Variants in RERG observed in about 807,000 individuals in gnomAD.
RERG encodes RAS like estrogen regulated growth inhibitor, also known as ras-related and estrogen-regulated growth inhibitor.
A neutral mutation model predicts 23.2 loss-of-function variants in RERG; 25 were observed. The ratio of observed to expected loss-of-function variants is 1.08; its 90% CI spans 0.79 to 1.50. RERG has a LOEUF of 1.50. Among genes scored for constraint, RERG ranks in the 40% most tolerant of loss-of-function variants. RERG has a pLI of 0.00. For synonymous variants in RERG, 81 were observed against 89.1 expected (o/e 0.91, Z 0.51); for missense variants, 253 against 250.1 (o/e 1.01, Z -0.08).
At chr12:15,211,857 T>C (rs932272546) in intron 2 of RERG, among the ~76,000 whole-genome samples, 1 of 151,888 alleles carries the variant, frequency 6.6e-6, no homozygotes, top group African/African-American at 2.4e-5. Context: ...GAAAAATATA[T>C]AGAATCTTAG....
intron 2 of RERG, among the ~76,000 whole-genome samples, chr12:15,188,726 T>C (rs1865027270): frequency 6.6e-6 from 1 of 152,232 alleles, no homozygotes; most frequent in Admixed American, 6.5e-5. Context: ...AGGTGCTCAA[T>C]AGTATGAGAT....
At chr12:15,195,563 G>A (rs1354297272) in intron 2 of RERG, among the ~76,000 whole-genome samples, 1 of 119,436 alleles carries the variant, frequency 8.4e-6, no homozygotes, top group Non-Finnish European at 1.8e-5. Flanking sequence ...GTGTGTGTGT[G>A]TGTGTGTGTG....
intron 3 of RERG, among the ~76,000 whole-genome samples, chr12:15,114,982 T>C (rs16910630): frequency 0.19 from 29,037 of 152,078 alleles, 3,753 homozygotes; most frequent in African/African-American, 0.36. Flanking sequence ...GTGTTTATCA[T>C]TGGGGAGATT....
chr12:15,155,455 C>T (rs1055202511), intron 2 of RERG, among the ~76,000 whole-genome samples: 3 of 152,186 alleles, frequency 2.0e-5, no homozygotes, highest in African/African-American at 7.2e-5. Context: ...GGCTCTCATC[C>T]ACCCCTGTGG....
In RERG at chr12:15,137,022, G is replaced by A. The variant is rs548703086; in HGVS notation, c.62-15903C>T. Among the ~76,000 whole-genome samples, 257 of 151,818 alleles carry A rather than the reference G, an allele frequency of 1.7e-3. 2 individuals are homozygous for A. The highest frequency in any genetic ancestry group is 2.9e-3 in the Non-Finnish European group (199 of 67,820). The stretch of plus-strand genomic sequence containing the variant: ...TGTTGAAGTCTCCAACTATAATGGC[G>A]GATTCGTCTATTTCTCCTTAAAGTT... On this transcript the variant is annotated intron_variant, in intron 2 of 4. Coordinates refer to ENST00000256953, the MANE Select transcript of RERG (RefSeq NM_032918.3).
At chr12:15,130,001 A>C (rs1864016782) in intron 2 of RERG, among the ~76,000 whole-genome samples, 2 of 152,186 alleles carry the variant, frequency 1.3e-5, no homozygotes, top group Non-Finnish European at 2.9e-5. Flanking sequence ...ATAATGGGGA[A>C]TATAATGGGA....
intron 2 of RERG, among the ~76,000 whole-genome samples, chr12:15,215,887 C>T (rs2136150706): frequency 6.6e-6 from 1 of 152,270 alleles, no homozygotes; most frequent in South Asian, 2.1e-4. Context: ...GCACGTACAG[C>T]TACGTGGTTC....
At chr12:15,118,018 A>T (rs7296908) in intron 3 of RERG, among the ~76,000 whole-genome samples, 79 of 151,604 alleles carry the variant, frequency 5.2e-4, no homozygotes, top group Non-Finnish European at 1.0e-3. Context: ...TTAAAATAAA[A>T]CTAAAATTGT....
intron 2 of RERG, among the ~76,000 whole-genome samples, chr12:15,140,537 A>G (rs1198202706): frequency 1.4e-5 from 2 of 145,756 alleles, no homozygotes; most frequent in East Asian, 4.0e-4. Context: ...TTTCTGGCCT[A>G]TGTAATGTTT....
chr12:15,172,304 TTGAG>T (rs776536840), intron 2 of RERG, among the ~76,000 whole-genome samples: 13 of 152,292 alleles, frequency 8.5e-5, no homozygotes, highest in African/African-American at 2.4e-4. Flanking sequence ...TATAGCATGT[TTGAG>T]TAAGTATTTC....
intron 2 of RERG, 104 bp from the exon 3 acceptor site, chr12:15,121,223 T>C (rs1863826251): frequency 2.6e-6 from 2 of 765,510 alleles, no homozygotes; most frequent in Non-Finnish European, 4.3e-6. Context: ...CTATAAATGC[T>C]TTATATTTCC....
At chr12:15,130,228 T>C (rs1864021985) in intron 2 of RERG, among the ~76,000 whole-genome samples, 1 of 152,126 alleles carries the variant, frequency 6.6e-6, no homozygotes, top group Admixed American at 6.5e-5. Flanking sequence ...CCTGAAGCTG[T>C]AGGGAGTGAT....
At chr12:15,213,483 C>T (rs1865396672) in intron 2 of RERG, among the ~76,000 whole-genome samples, 1 of 152,172 alleles carries the variant, frequency 6.6e-6, no homozygotes, top group African/African-American at 2.4e-5. Context: ...AATCATGACC[C>T]TACACTTTGC....
At chr12:15,197,771 G>A (rs1376984187) in intron 2 of RERG, among the ~76,000 whole-genome samples, 3 of 152,064 alleles carry the variant, frequency 2.0e-5, no homozygotes, top group Non-Finnish European at 4.4e-5. Context: ...CTGACTATAC[G>A]GAAGGAAGCA....
At chr12:15,123,767 G>T (rs1863885052) in intron 2 of RERG, among the ~76,000 whole-genome samples, 1 of 151,714 alleles carries the variant, frequency 6.6e-6, no homozygotes, top group Non-Finnish European at 1.5e-5. Flanking sequence ...ACTATCTTGA[G>T]CAAAGTTTGT....
intron 2 of RERG, among the ~76,000 whole-genome samples, chr12:15,212,718 A>T (rs1865385745): frequency 1.3e-5 from 2 of 152,160 alleles, no homozygotes; most frequent in Admixed American, 6.5e-5. Context: ...GACCTACCCA[A>T]GATGCGACTG....
At chr12:15,175,708 C>T (rs1176106344) in intron 2 of RERG, among the ~76,000 whole-genome samples, 2 of 152,048 alleles carry the variant, frequency 1.3e-5, no homozygotes, top group African/African-American at 4.8e-5. Context: ...AGGGCTTTTC[C>T]TTTAACATAT....
intron 2 of RERG, chr12:15,155,325 A>G (rs9804742): frequency 0.7 from 106,781 of 152,074 alleles, 37,799 homozygotes; most frequent in African/African-American, 0.77. Flanking sequence ...TGACACATAA[A>G]AGGACAACTT....
At chr12:15,180,668 T>C (rs1224216792) in intron 2 of RERG, among the ~76,000 whole-genome samples, 3 of 152,208 alleles carry the variant, frequency 2.0e-5, no homozygotes, top group Non-Finnish European at 4.4e-5. Context: ...GGTAGAGCCC[T>C]TCTATCTGCT....
Sources: allele counts gnomAD v4.1 joint callset (sites outside exome capture counted in the v4.1 genomes callset), GRCh38; gene constraint gnomAD v4.1.1; transcripts MANE v1.5; gene names NCBI Gene and HGNC (gene_info 2026-07-23, HGNC 2026-07-21).